The following ADGRL4 variants were observed in gnomAD, a reference collection of about 807,000 sequenced individuals.
ADGRL4 encodes EGF, latrophilin and seven transmembrane domain containing 1.
Under a neutral mutation model 74.8 loss-of-function variants are expected in ADGRL4, and 90 were observed. The ratio of observed to expected loss-of-function variants is 1.20; its 90% CI spans 1.02 to 1.43. The LOEUF is 1.43. Ranked by LOEUF, ADGRL4 falls within the 40% of genes most tolerant of loss-of-function variation. The pLI is 0.00. For missense variants in ADGRL4, 881 were observed against 814.3 expected, an observed-to-expected ratio of 1.08 and a Z score of -1.00; for synonymous variants, 311 against 279.2, an observed-to-expected ratio of 1.11 and a Z score of -1.14.
intron 2 of ADGRL4, among the ~76,000 whole-genome samples, chr1:78,987,989 C>T (rs1650532165): frequency 8.8e-6 from 1 of 113,856 alleles, no homozygotes; most frequent in Non-Finnish European, 2.0e-5. Context: ...TTTAAAATAG[C>T]CACTGCATTT....
intron 2 of ADGRL4, among the ~76,000 whole-genome samples, chr1:78,986,381 T>C (rs113552055): frequency 0.053 from 8,005 of 151,712 alleles, 297 homozygotes; most frequent in African/African-American, 0.1. Context: ...AGGAGGACTG[T>C]TTGAGGCCAA....
At chr1:78,966,298 T>A (rs1432070498) in intron 2 of ADGRL4, among the ~76,000 whole-genome samples, 4 of 152,138 alleles carry the variant, frequency 2.6e-5, no homozygotes, top group African/African-American at 7.2e-5. Flanking sequence ...TTGCGGAAAG[T>A]CCCTGTTTTC....
chr1:78,947,549 C>T (rs1649628940), intron 2 of ADGRL4, among the ~76,000 whole-genome samples: 1 of 152,096 alleles, frequency 6.6e-6, no homozygotes, highest in Admixed American at 6.6e-5. Context: ...GCCTCCAGAG[C>T]TGTGAGAGAA....
chr1:78,915,239 G>C (rs2100666338), intron 12 of ADGRL4, among the ~76,000 whole-genome samples: 1 of 151,984 alleles, frequency 6.6e-6, no homozygotes, highest in East Asian at 1.9e-4. Flanking sequence ...TTGCCTGGAG[G>C]AAACTCCGTA....
chr1:78,938,364 CCT>C (rs1237098002), intron 4 of ADGRL4, 85 bp from the exon 5 acceptor site: 1 of 1,183,040 alleles, frequency 8.5e-7, no homozygotes, highest in East Asian at 2.6e-5. Flanking sequence ...TTAAATTTAC[CCT>C]GAGGTTGGTT....
intron 8 of ADGRL4, among the ~76,000 whole-genome samples, chr1:78,922,837 T>C (rs1308430690): frequency 6.6e-6 from 1 of 151,984 alleles, no homozygotes; most frequent in Non-Finnish European, 1.5e-5. Context: ...AAAGAAAACA[T>C]GTCCTGAGTG....
chr1:78,933,693 G>A (rs991246734), intron 7 of ADGRL4, among the ~76,000 whole-genome samples: 2 of 151,200 alleles, frequency 1.3e-5, no homozygotes, highest in African/African-American at 4.9e-5. Context: ...ATCATCTCAG[G>A]CTCAGAACTC....
At chr1:78,999,886 T>C (rs1650807082) in intron 2 of ADGRL4, among the ~76,000 whole-genome samples, 1 of 152,000 alleles carries the variant, frequency 6.6e-6, no homozygotes, top group Non-Finnish European at 1.5e-5. Flanking sequence ...TGGTAGAGCC[T>C]GAAGTATAAA....
chr1:78,951,488 A>G (rs1463924139), intron 2 of ADGRL4, among the ~76,000 whole-genome samples: 1 of 152,176 alleles, frequency 6.6e-6, no homozygotes, highest in African/African-American at 2.4e-5. Flanking sequence ...TTTTCAAAAT[A>G]TCTGTTGGCA....
At chr1:78,941,359 G>A (rs759292917) in intron 3 of ADGRL4, among the ~76,000 whole-genome samples, 23 of 152,128 alleles carry the variant, frequency 1.5e-4, no homozygotes, top group Non-Finnish European at 2.4e-4. Flanking sequence ...AACTGCTGAA[G>A]TATGAAATGT....
chr1:78,906,691 G>A (rs1648644779), intron 12 of ADGRL4, among the ~76,000 whole-genome samples: 1 of 151,858 alleles, frequency 6.6e-6, no homozygotes, highest in Admixed American at 6.6e-5. Flanking sequence ...AAGAACAGAG[G>A]TTAGTAAGAA....
intron 2 of ADGRL4, among the ~76,000 whole-genome samples, chr1:78,972,991 C>T (rs911339279): frequency 6.6e-6 from 1 of 152,162 alleles, no homozygotes; most frequent in African/African-American, 2.4e-5. Flanking sequence ...GCACATACTT[C>T]TGTAGTTTTA....
At chr1:78,951,253 A>T (rs549973280) in intron 2 of ADGRL4, among the ~76,000 whole-genome samples, 152 of 152,124 alleles carry the variant, frequency 1.0e-3, no homozygotes, top group African/African-American at 3.6e-3. Flanking sequence ...TGTCCTTTGT[A>T]TCTTCTTCCT....
chr1:79,005,260 C>G (rs755126651), intron 1 of ADGRL4, 41 bp from the exon 2 acceptor site: 1 of 1,442,760 alleles, frequency 6.9e-7, no homozygotes, highest in South Asian at 1.3e-5. Context: ...AAAAGTAAAA[C>G]AAACATCTCT....
At chr1:78,983,481 G>A (rs899138399) in intron 2 of ADGRL4, among the ~76,000 whole-genome samples, 3 of 150,780 alleles carry the variant, frequency 2.0e-5, no homozygotes, top group Admixed American at 6.6e-5. Flanking sequence ...TTAATGTAGC[G>A]AACTGGTTGA....
chr1:78,897,670 GA>G (rs1254311282), intron 12 of ADGRL4, among the ~76,000 whole-genome samples: 2 of 151,944 alleles, frequency 1.3e-5, no homozygotes, highest in African/African-American at 4.8e-5. Context: ...ACTTTTGCCA[GA>G]AAAAATACTT....
intron 2 of ADGRL4, among the ~76,000 whole-genome samples, chr1:78,990,301 A>T (rs1019130980): frequency 7.9e-5 from 12 of 151,690 alleles, no homozygotes; most frequent in East Asian, 1.9e-4. Context: ...TGGAAGAAAA[A>T]TTTTTTTCAT....
intron 2 of ADGRL4, among the ~76,000 whole-genome samples, chr1:79,001,480 T>G (rs76373546): frequency 0.016 from 2,500 of 152,102 alleles, 73 homozygotes; most frequent in African/African-American, 0.056. Flanking sequence ...CTATGAAAAA[T>G]AGCTTCTCCA....
intron 2 of ADGRL4, among the ~76,000 whole-genome samples, chr1:78,965,754 T>C (rs902920569): frequency 4.6e-5 from 7 of 152,138 alleles, no homozygotes; most frequent in Non-Finnish European, 1.0e-4. Flanking sequence ...ACCTTTAAAA[T>C]GACATTGCCC....
Sources: allele counts gnomAD v4.1 joint callset (sites outside exome capture counted in the v4.1 genomes callset), GRCh38; gene constraint gnomAD v4.1.1; transcripts MANE v1.5; gene names NCBI Gene and HGNC (gene_info 2026-07-23, HGNC 2026-07-21).